The following CFAP251 variants were observed in gnomAD, a reference collection of about 807,000 sequenced individuals.
CFAP251 encodes cilia and flagella associated protein 251.
Under a neutral mutation model 126.7 loss-of-function variants are expected in CFAP251, and 93 were observed. The ratio of observed to expected loss-of-function variants is 0.73; its 90% CI spans 0.62 to 0.87. CFAP251 has a LOEUF of 0.87. CFAP251 is among the 40% of genes least tolerant of loss of function. CFAP251 has a pLI of 0.00. For missense variants in CFAP251, 1,287 were observed against 1,389.2 expected, an observed-to-expected ratio of 0.93 and a Z score of 1.17; for synonymous variants, 503 against 506.9, an observed-to-expected ratio of 0.99 and a Z score of 0.10.
At chr12:121,938,536 C>T (rs1262437413) in intron 5 of CFAP251, among the ~76,000 whole-genome samples, 2 of 150,586 alleles carry the variant, frequency 1.3e-5, no homozygotes, top group African/African-American at 4.9e-5. Context: ...CACCATGTTA[C>T]TCAGGCTGGT....
At chr12:121,941,312 G>C (rs1183449822) in intron 5 of CFAP251, among the ~76,000 whole-genome samples, 1 of 144,480 alleles carries the variant, frequency 6.9e-6, no homozygotes, top group African/African-American at 2.6e-5. Flanking sequence ...AATTACAGGT[G>C]TGAGCCACCA....
Position 121,957,202 on chromosome 12 carries a change from C to T in CFAP251, c.1664C>T (p.Thr555Ile). The change falls in exon 11 of 22, where the codon ACT becomes ATT. Residue 555 changes from threonine to isoleucine, a missense_variant. Coordinates refer to ENST00000288912, the MANE Select transcript of CFAP251 (RefSeq NM_144668.6). ...RTLSFSKTPA[T>I]PPTEKSNYPP... Reference sequence around the variant, plus strand: ...CTGTCCTTTTCAAAGACCCCAGCAACTCCTCCTACTGAAAAATCAAACTAT... The same window carrying T: ...CTGTCCTTTTCAAAGACCCCAGCAATTCCTCCTACTGAAAAATCAAACTAT... 6.2e-7 allele frequency: 1 copy of T among 1,614,134 alleles called. No individual in the cohort carries two copies. The highest frequency in any genetic ancestry group is 8.5e-7 in the Non-Finnish European group (1 of 1,180,024).
At chr12:121,980,133 C>G (rs1193173017) in intron 19 of CFAP251, among the ~76,000 whole-genome samples, 1 of 152,208 alleles carries the variant, frequency 6.6e-6, no homozygotes, top group Non-Finnish European at 1.5e-5. Context: ...TTGTCACTGT[C>G]ATCACTGCCA....
intron 16 of CFAP251, 48 bp downstream of exon 16, chr12:121,967,117 T>G: frequency 6.5e-7 from 1 of 1,529,842 alleles, no homozygotes; most frequent in African/African-American, 1.4e-5. Context: ...CTGTGTGTCA[T>G]GAGCAGCAGT....
rs1177253664 is a variant in CFAP251 at position 121,951,478 on chromosome 12, A to G, written c.1270-2A>G. 1.3e-6 allele frequency: 2 copies of G among 1,553,752 alleles called. No individual in the cohort carries two copies. The highest frequency in any genetic ancestry group is 1.3e-5 in the African/African-American group (1 of 74,196). On this transcript the variant is annotated splice_acceptor_variant, in intron 8 of 21. Coordinates refer to ENST00000288912, the MANE Select transcript of CFAP251 (RefSeq NM_144668.6). LOFTEE classifies it high-confidence loss of function. Reference sequence around the variant, plus strand: ...GTAGTGATTATTTTTTCCTCTTATCAGTATGAAGAGAGGGATACACTGGCT... The same window carrying G: ...GTAGTGATTATTTTTTCCTCTTATCGGTATGAAGAGAGGGATACACTGGCT...
At chr12:121,928,638 G>GTATATA (rs57700530) in intron 3 of CFAP251, among the ~76,000 whole-genome samples, 25 of 33,364 alleles carry the variant, frequency 7.5e-4, no homozygotes, top group African/African-American at 1.0e-3. Flanking sequence ...ATATATATAC[G>GTATATA]TATATATATA....
chr12:121,929,800 C>T (rs545207828), intron 3 of CFAP251, among the ~76,000 whole-genome samples: 1 of 152,132 alleles, frequency 6.6e-6, no homozygotes, highest in African/African-American at 2.4e-5. Flanking sequence ...GGCTCAGCCT[C>T]CCAAGTAGCT....
Position 121,934,885 on chromosome 12 carries a change from C to T in CFAP251, c.998+529C>T, listed in dbSNP as rs576663562. On this transcript the variant is annotated intron_variant, in intron 5 of 21. Coordinates refer to ENST00000288912, the MANE Select transcript of CFAP251 (RefSeq NM_144668.6). Reference sequence around the variant, plus strand: ...GCGTTGGCGCAATCATAGCTCATTGCAGCCATGAACTCCCAGGATCAAGAG... The same window carrying T: ...GCGTTGGCGCAATCATAGCTCATTGTAGCCATGAACTCCCAGGATCAAGAG... Among the ~76,000 whole-genome samples the T allele has an allele frequency of 9.8e-5, 15 of 152,340 alleles. No individual in the cohort carries two copies. The South Asian group carries it at 1.0e-3, about 11-fold the overall frequency.
At chr12:121,921,172 C>G (rs1180988114) in intron 1 of CFAP251, 114 bp from the exon 2 acceptor site, 3 of 1,181,484 alleles carry the variant, frequency 2.5e-6, no homozygotes, top group Admixed American at 6.4e-5. Context: ...TCTTTTTATT[C>G]CTATGGAAAG....
intron 6 of CFAP251, 63 bp downstream of exon 6, chr12:121,942,708 A>G: frequency 1.5e-6 from 2 of 1,371,736 alleles, no homozygotes; most frequent in Admixed American, 1.9e-5. Flanking sequence ...GCGTGTCCCC[A>G]TGGGCAGCTC....
At chr12:121,923,359 G>C (rs1015299429) in intron 2 of CFAP251, among the ~76,000 whole-genome samples, 1 of 151,950 alleles carries the variant, frequency 6.6e-6, no homozygotes, top group Non-Finnish European at 1.5e-5. Flanking sequence ...AGGTGGCACT[G>C]TGTTGCCCAG....
At chr12:121,969,740 G>A (rs1882271559) in intron 17 of CFAP251, 2 of 982,536 alleles carry the variant, frequency 2.0e-6, no homozygotes. Context: ...GGCACCTAAA[G>A]TGTTGGGATT....
intron 3 of CFAP251, among the ~76,000 whole-genome samples, chr12:121,927,776 T>A (rs779719140): frequency 3.9e-5 from 6 of 152,190 alleles, no homozygotes; most frequent in Non-Finnish European, 8.8e-5. Flanking sequence ...TAGCTCCCAT[T>A]GTTCACGGTA....
intron 7 of CFAP251, 45 bp downstream of exon 7, chr12:121,943,020 G>A (rs1214183626): frequency 1.9e-6 from 3 of 1,603,804 alleles, no homozygotes; most frequent in Admixed American, 3.3e-5. Flanking sequence ...AAGTTATACA[G>A]GTGCAAGGCC....
chr12:121,979,563 C>CTT (rs71082922), intron 19 of CFAP251, among the ~76,000 whole-genome samples: 1 of 85,000 alleles, frequency 1.2e-5, no homozygotes, highest in South Asian at 5.0e-4. Flanking sequence ...CTTTCTTCTT[C>CTT]TTTTTTTTTT....
intron 19 of CFAP251, among the ~76,000 whole-genome samples, chr12:121,991,115 G>T (rs1255439410): frequency 1.3e-5 from 2 of 152,244 alleles, no homozygotes; most frequent in Non-Finnish European, 2.9e-5. Context: ...AGTTTCAAGA[G>T]AATTCTTTTT....
chr12:122,003,465 TG>T (rs1187289379), intron 21 of CFAP251, among the ~76,000 whole-genome samples, 186 bp from the exon 22 acceptor site: 1 of 151,984 alleles, frequency 6.6e-6, no homozygotes, highest in Non-Finnish European at 1.5e-5. Flanking sequence ...CCCAGCTACT[TG>T]GGAGGCTGAG....
Position 121,923,611 on chromosome 12 carries a change from T to G in CFAP251, c.379-11T>G. 6.3e-7 allele frequency: 1 copy of G among 1,590,150 alleles called. No individual in the cohort carries two copies. The highest frequency in any genetic ancestry group is 8.5e-7 in the Non-Finnish European group (1 of 1,171,780). On this transcript the variant is annotated splice_polypyrimidine_tract_variant and intron_variant, in intron 2 of 21. Coordinates refer to ENST00000288912, the MANE Select transcript of CFAP251 (RefSeq NM_144668.6). The stretch of plus-strand genomic sequence containing the variant: ...ACATATGGAATCATGATATTTTATT[T>G]CTTTTTAAAGAAAACCCAAAGAGGT...
rs981557677 is a variant in CFAP251 at position 121,942,898 on chromosome 12, G to A, written c.1114G>A (p.Val372Ile). 1 of 1,614,150 alleles carries A rather than the reference G, an allele frequency of 6.2e-7. No homozygotes were observed. Among genetic ancestry groups the A allele is most frequent in the Non-Finnish European group, 8.5e-7 (1 of 1,179,996 alleles). Reference sequence around the variant, plus strand: ...CTCTCTCTACTGTCACCTACAGAAGGTATGCATCTGGAAGTGGACTTTGGC... The same window carrying A: ...CTCTCTCTACTGTCACCTACAGAAGATATGCATCTGGAAGTGGACTTTGGC... ...ATISDAEVQKVCIWKWTLAVE... is the reference protein window; with the variant it reads ...ATISDAEVQKICIWKWTLAVE... Residue 372 changes from valine to isoleucine, a missense_variant, in exon 7 of 22, where the codon GTA (valine) becomes ATA (isoleucine). Coordinates refer to ENST00000288912, the MANE Select transcript of CFAP251 (RefSeq NM_144668.6).
Sources: allele counts gnomAD v4.1 joint callset (sites outside exome capture counted in the v4.1 genomes callset), GRCh38; gene constraint gnomAD v4.1.1; transcripts MANE v1.5; gene names NCBI Gene and HGNC (gene_info 2026-07-23, HGNC 2026-07-21).